GRM8: variants seen among roughly 807,000 people sequenced by gnomAD.
GRM8 encodes glutamate metabotropic receptor 8, also known as metabotropic glutamate receptor 8.
GRM8 carries 47 observed loss-of-function variants against 87.2 expected under a neutral mutation model. The observed-to-expected ratio is 0.54, with a 90% CI of 0.43 to 0.69. The LOEUF (loss-of-function observed/expected upper bound fraction) is 0.69. GRM8 is among the 30% of genes least tolerant of loss of function. The probability of loss-of-function intolerance (pLI) is 0.00; values close to 1 mark genes in which losing one functional copy is unlikely to be tolerated. For synonymous variants in GRM8, 396 were observed against 404.5 expected (o/e 0.98, Z 0.25); for missense variants, 1,019 against 1,139.2 (o/e 0.89, Z 1.52).
At chr7:126,943,116 A>C (rs889373837) in intron 3 of GRM8, among the ~76,000 whole-genome samples, 2 of 152,226 alleles carry the variant, frequency 1.3e-5, no homozygotes, top group Non-Finnish European at 2.9e-5. Flanking sequence ...TCTAGATTTT[A>C]TCAGATCGGC....
intron 3 of GRM8, among the ~76,000 whole-genome samples, chr7:127,086,227 A>G (rs572896426): frequency 6.6e-6 from 1 of 152,180 alleles, no homozygotes; most frequent in South Asian, 2.1e-4. Flanking sequence ...CAGCGTCCCA[A>G]GTAGCTGGGA....
At chr7:126,677,266 A>ACAGCCTC (rs1308924938) in intron 7 of GRM8, among the ~76,000 whole-genome samples, 2 of 152,056 alleles carry the variant, frequency 1.3e-5, no homozygotes, top group Admixed American at 6.6e-5. Context: ...ATAAACTAGT[A>ACAGCCTC]CAGCCTCTAT....
chr7:127,031,514 T>C (rs1817362702), intron 3 of GRM8, among the ~76,000 whole-genome samples: 1 of 152,096 alleles, frequency 6.6e-6, no homozygotes, highest in Non-Finnish European at 1.5e-5. Flanking sequence ...CATCTAATGG[T>C]GCCCTCATGC....
At chr7:126,876,143 T>C (rs1429315128) in intron 6 of GRM8, among the ~76,000 whole-genome samples, 3 of 152,152 alleles carry the variant, frequency 2.0e-5, no homozygotes, top group Non-Finnish European at 4.4e-5. Flanking sequence ...TGTGCTCCTT[T>C]TGCAACAGCT....
chr7:127,089,659 T>C (rs1002349638), intron 3 of GRM8, among the ~76,000 whole-genome samples: 7 of 152,208 alleles, frequency 4.6e-5, no homozygotes, highest in African/African-American at 1.7e-4. Flanking sequence ...TAAGTTTTTG[T>C]ACCCTAAATT....
Position 126,769,856 on chromosome 7 carries a change from G to A in GRM8, c.1357+9C>T. 2 of 1,515,740 alleles carry A rather than the reference G, an allele frequency of 1.3e-6. No homozygotes were observed. The highest frequency in any genetic ancestry group is 1.4e-5 in the African/African-American group (1 of 73,044). 93.9% of individuals were successfully genotyped at this position (1,515,740 alleles called of 1,614,324 possible). ...TAATGTATTTAGACACACACACGTT[G>A]TAACTTACCATTAAAATTTACAGCC... On this transcript the variant is annotated intron_variant, in intron 7 of 10. Coordinates refer to ENST00000339582, the MANE Select transcript of GRM8 (RefSeq NM_000845.3).
rs1172667757 is a variant in GRM8 at position 126,902,535 on chromosome 7, T to C, written c.1156+7A>G. The C allele has an allele frequency of 1.3e-6, 2 of 1,566,966 alleles. No individual in the cohort carries two copies. Among genetic ancestry groups the C allele is most frequent in the African/African-American group, 2.8e-5 (2 of 72,676 alleles). On this transcript the variant is annotated splice_region_variant and intron_variant, in intron 6 of 10. Coordinates refer to ENST00000339582, the MANE Select transcript of GRM8 (RefSeq NM_000845.3). Reference sequence around the variant, plus strand: ...AAATGCACCACAGGAAACATTTGAGTGGTTACCTGTGCATTTCTTTATATG... The same window carrying C: ...AAATGCACCACAGGAAACATTTGAGCGGTTACCTGTGCATTTCTTTATATG...
chr7:126,517,215 A>G (rs1369604808), intron 9 of GRM8, among the ~76,000 whole-genome samples: 2 of 152,068 alleles, frequency 1.3e-5, no homozygotes, highest in Admixed American at 6.6e-5. Flanking sequence ...TAAACTTAAC[A>G]TTTCTCAAGT....
At chr7:126,724,860 C>G (rs1230974036) in intron 7 of GRM8, among the ~76,000 whole-genome samples, 7 of 151,672 alleles carry the variant, frequency 4.6e-5, no homozygotes, top group Non-Finnish European at 7.4e-5. Flanking sequence ...TGAAAAATCA[C>G]TGGCTTGGGG....
At chr7:126,886,422 G>A (rs867010329) in intron 6 of GRM8, among the ~76,000 whole-genome samples, 3 of 152,044 alleles carry the variant, frequency 2.0e-5, no homozygotes, top group Non-Finnish European at 4.4e-5. Context: ...TTTGATCAGA[G>A]ATCTAGTGCA....
At chr7:126,657,856 G>A (rs1224845795) in intron 7 of GRM8, among the ~76,000 whole-genome samples, 1 of 152,260 alleles carries the variant, frequency 6.6e-6, no homozygotes, top group African/African-American at 2.4e-5. Context: ...AAAGCGTGCA[G>A]GAAAGAAGGC....
At chr7:126,978,610 C>G (rs1811232940) in intron 3 of GRM8, among the ~76,000 whole-genome samples, 1 of 152,164 alleles carries the variant, frequency 6.6e-6, no homozygotes, top group Admixed American at 6.5e-5. Context: ...CACTCTCTCT[C>G]CTGAAGATGC....
chr7:126,905,275 T>C (rs965290639), intron 3 of GRM8, among the ~76,000 whole-genome samples: 3 of 152,192 alleles, frequency 2.0e-5, no homozygotes, highest in African/African-American at 7.2e-5. Flanking sequence ...ATCGCCACTA[T>C]GAAAATCGAA....
intron 8 of GRM8, among the ~76,000 whole-genome samples, chr7:126,546,800 A>G (rs1045723428): frequency 6.6e-6 from 1 of 152,178 alleles, no homozygotes; most frequent in African/African-American, 2.4e-5. Context: ...TAGTCATTAC[A>G]TTCCATATGA....
intron 7 of GRM8, among the ~76,000 whole-genome samples, chr7:126,688,878 T>A (rs1366503084): frequency 6.6e-6 from 1 of 152,090 alleles, no homozygotes; most frequent in Non-Finnish European, 1.5e-5. Context: ...AGCTCTCGCT[T>A]TTCCTCTACA....
At chr7:126,806,264 G>T (rs898995451) in intron 6 of GRM8, among the ~76,000 whole-genome samples, 1 of 152,156 alleles carries the variant, frequency 6.6e-6, no homozygotes, top group Non-Finnish European at 1.5e-5. Context: ...TAAAGGCGGC[G>T]CATCTGGAGT....
intron 2 of GRM8, among the ~76,000 whole-genome samples, chr7:127,198,689 G>C (rs1432045873): frequency 2.0e-5 from 3 of 150,558 alleles, no homozygotes; most frequent in Non-Finnish European, 4.4e-5. Context: ...TTTTTAAAGA[G>C]ACAGGGTTTT....
intron 7 of GRM8, among the ~76,000 whole-genome samples, chr7:126,723,144 G>A (rs1214391958): frequency 2.0e-5 from 3 of 151,564 alleles, no homozygotes; most frequent in African/African-American, 7.3e-5. Flanking sequence ...AGAAATTGAA[G>A]GGCTGTAATA....
intron 2 of GRM8, among the ~76,000 whole-genome samples, chr7:127,178,081 A>G (rs1368596612): frequency 1.3e-5 from 2 of 152,210 alleles, no homozygotes; most frequent in Non-Finnish European, 2.9e-5. Context: ...GTGAAGCCCA[A>G]TGCCAGGAAA....
Sources: gnomAD v4.1 joint callset for allele counts (sites outside exome capture counted in the v4.1 genomes callset) on GRCh38, gnomAD v4.1.1 for gene constraint, MANE v1.5 for transcripts, NCBI Gene and HGNC (gene_info 2026-07-23, HGNC 2026-07-21) for gene names.